Variants in PLEKHA1 observed in about 807,000 individuals in gnomAD.
The protein encoded by PLEKHA1 is pleckstrin homology domain-containing family A member 1.
PLEKHA1 carries 34 observed loss-of-function variants against 52.0 expected under a neutral mutation model. The observed-to-expected ratio is 0.65, with a 90% CI of 0.50 to 0.87. The LOEUF (loss-of-function observed/expected upper bound fraction) is 0.87, where lower values mean the gene tolerates loss of function less well. Among genes scored for constraint, PLEKHA1 ranks in the 40% least tolerant of loss-of-function variants. The pLI is 0.00. For missense variants in PLEKHA1, 497 were observed against 504.2 expected (o/e 0.99, Z 0.14); for synonymous variants, 163 against 170.7 (o/e 0.95, Z 0.35).
At chr10:122,378,336 T>C (rs2096566376) in intron 1 of PLEKHA1, among the ~76,000 whole-genome samples, 1 of 152,206 alleles carries the variant, frequency 6.6e-6, no homozygotes, top group Non-Finnish European at 1.5e-5. Flanking sequence ...TAATTTTCAC[T>C]ATTCACTGCC....
intron 3 of PLEKHA1, among the ~76,000 whole-genome samples, chr10:122,398,414 C>T (rs540304431): frequency 1.1e-3 from 169 of 151,814 alleles, no homozygotes; most frequent in Middle Eastern, 3.4e-3. Flanking sequence ...TGATTTTCCC[C>T]CTCTTTTCAC....
chr10:122,376,236 C>T (rs1210618846), intron 1 of PLEKHA1, among the ~76,000 whole-genome samples: 2 of 151,940 alleles, frequency 1.3e-5, no homozygotes, highest in African/African-American at 4.8e-5. Context: ...TTAATTTTTC[C>T]TGTTGACACA....
chr10:122,402,779 G>A (rs2096949159), intron 4 of PLEKHA1, among the ~76,000 whole-genome samples: 1 of 152,206 alleles, frequency 6.6e-6, no homozygotes, highest in African/African-American at 2.4e-5. Context: ...CAGTGAGGCT[G>A]TATATTTAGG....
intron 2 of PLEKHA1, among the ~76,000 whole-genome samples, chr10:122,397,076 A>G (rs1168951121): frequency 6.6e-6 from 1 of 152,112 alleles, no homozygotes; most frequent in East Asian, 1.9e-4. Context: ...CTACAATCTT[A>G]CAGGACACTG....
rs540189788 is a variant in PLEKHA1, at chr10:122,409,076, C to T, written c.342+2403C>T. Among the ~76,000 whole-genome samples the T allele has an allele frequency of 2.6e-5, 4 of 152,092 alleles. No individual in the cohort carries two copies. In the East Asian group the frequency reaches 5.8e-4, roughly 22 times the overall value. On this transcript the variant is annotated intron_variant, in intron 5 of 11. Transcript: ENST00000368990. ...CTATTTCCTAGTTATAATATCTTGCCATTTTAATCCATTATCCTCTAACGC... is the reference window on the plus strand; with the variant it reads ...CTATTTCCTAGTTATAATATCTTGCTATTTTAATCCATTATCCTCTAACGC...
intron 2 of PLEKHA1, among the ~76,000 whole-genome samples, chr10:122,395,979 A>G (rs771954679): frequency 6.6e-6 from 1 of 152,026 alleles, no homozygotes. Context: ...TTAGTTTGTT[A>G]TTTCTTGTTC....
At chr10:122,400,550 A>AC (rs1260412148) in intron 4 of PLEKHA1, among the ~76,000 whole-genome samples, 162 bp downstream of exon 4, 3 of 151,998 alleles carry the variant, frequency 2.0e-5, no homozygotes, top group African/African-American at 7.3e-5. Flanking sequence ...AACATTTTGC[A>AC]CCCCCTCTCC....
At chr10:122,416,046 C>T (rs750441311) in intron 7 of PLEKHA1, 44 bp downstream of exon 7, 21 of 1,538,184 alleles carry the variant, frequency 1.4e-5, no homozygotes, top group Admixed American at 4.0e-5. Flanking sequence ...AAAAGGATTA[C>T]GTTCTAGCAA....
chr10:122,392,500 A>T (rs2096790107), intron 1 of PLEKHA1: 1 of 152,182 alleles, frequency 6.6e-6, no homozygotes, highest in Non-Finnish European at 1.5e-5. Flanking sequence ...TTTCCAGTAC[A>T]TTAACTAGTT....
chr10:122,393,427 C>G lies in PLEKHA1; in HGVS notation c.141+86C>G, dbSNP rs958877594. The G allele has an allele frequency of 1.6e-6, 2 of 1,286,734 alleles. No individual in the cohort carries two copies. The highest frequency in any genetic ancestry group is 3.0e-5 in the Admixed American group (1 of 33,746). The allele number at this position is 1,286,734 out of a possible 1,614,324, so 79.7% of individuals were successfully genotyped here. A position where few individuals can be genotyped will look rare whatever the true frequency, so the allele number is the denominator to read the frequency against. On this transcript the variant is annotated intron_variant, in intron 2 of 11. Transcript: ENST00000368990. This position sits in a 1 kb window ranked among gnomAD's most constrained non-coding sequence, Gnocchi z 4.5. ...CATACTATACAGGCTTTAGATTTGT[C>G]TTCTTAAGCAGTATATTTTTAGATT...
At chr10:122,377,989 T>G (rs951011026) in intron 1 of PLEKHA1, among the ~76,000 whole-genome samples, 1 of 152,244 alleles carries the variant, frequency 6.6e-6, no homozygotes, top group African/African-American at 2.4e-5. Context: ...TACATGGAAC[T>G]CTTACCAGGC....
rs370642818 is a variant in PLEKHA1 at position 122,430,721 on chromosome 10, A to C, written c.*783A>C. ...AGTTTTGTAAATAGTTGTTATTTCT[A>C]TATTTGGATTGGTGAAAGACCTCAA... On this transcript the variant is annotated 3_prime_UTR_variant, in exon 12 of 12. Transcript: ENST00000368990. 8.5e-5 allele frequency: 13 copies of C among 152,288 alleles called. No homozygotes were observed. The highest frequency in any genetic ancestry group is 2.9e-4 in the African/African-American group (12 of 41,536). The allele number at this position is 152,288 out of a possible 1,614,324, so 9.4% of individuals were successfully genotyped here.
intron 5 of PLEKHA1, among the ~76,000 whole-genome samples, chr10:122,408,088 A>G (rs2097049730): frequency 1.3e-5 from 2 of 152,236 alleles, no homozygotes; most frequent in Non-Finnish European, 2.9e-5. Context: ...TGATTCAGAC[A>G]TACATATTCT....
intron 8 of PLEKHA1, chr10:122,421,736 A>T (rs1206371074): frequency 6.6e-6 from 1 of 152,218 alleles, no homozygotes; most frequent in Admixed American, 6.5e-5. Flanking sequence ...AGGTCTTAAA[A>T]TATTTAAAAA....
the PLEKHA1 span, chr10:122,441,653 G>A: frequency 2.0e-5 from 3 of 152,104 alleles, no homozygotes; most frequent in Non-Finnish European, 4.4e-5. Flanking sequence ...CACTGAAAGA[G>A]GCTGCGTGCA....
chr10:122,424,848 A>G (rs753554975), intron 9 of PLEKHA1, 48 bp from the exon 10 acceptor site: 1 of 1,509,382 alleles, frequency 6.6e-7, no homozygotes, highest in South Asian at 1.2e-5. Flanking sequence ...TGAAAGAGAA[A>G]CTCAAACAAC....
chr10:122,427,169 A>T, intron 11 of PLEKHA1, 138 bp downstream of exon 11: 1 of 723,730 alleles, frequency 1.4e-6, no homozygotes, highest in South Asian at 2.1e-5. Context: ...TGGACTTGCA[A>T]AAAATAATGC....
At chr10:122,378,103 A>T (rs1046485076) in intron 1 of PLEKHA1, among the ~76,000 whole-genome samples, 1 of 152,170 alleles carries the variant, frequency 6.6e-6, no homozygotes, top group African/African-American at 2.4e-5. Flanking sequence ...TCTGGATTGA[A>T]TTTAACCTCT....
chr10:122,376,501 G>GATATATAT (rs56781870), intron 1 of PLEKHA1, among the ~76,000 whole-genome samples: 2 of 146,834 alleles, frequency 1.4e-5, no homozygotes, highest in East Asian at 4.0e-4. Context: ...ACATTAAGAA[G>GATATATAT]ATATATATAT....
Sources: gnomAD v4.1 joint callset for allele counts (sites outside exome capture counted in the v4.1 genomes callset) on GRCh38, gnomAD v4.1.1 for gene constraint, Gnocchi (gnomAD v3.1) non-coding constraint, MANE v1.5 for transcripts, NCBI Gene and HGNC (gene_info 2026-07-23, HGNC 2026-07-21) for gene names.